Variants in SFTPB observed in about 807,000 individuals in gnomAD.
SFTPB encodes surfactant protein B, also known as pulmonary surfactant-associated protein B.
SFTPB carries 32 observed loss-of-function variants against 51.0 expected under a neutral mutation model. The observed-to-expected ratio is 0.63, with a 90% CI of 0.47 to 0.84. The LOEUF (loss-of-function observed/expected upper bound fraction) is 0.84. Ranked by LOEUF, SFTPB falls within the 40% of genes least tolerant of loss-of-function variation. SFTPB has a pLI of 0.00. For missense variants in SFTPB, 431 were observed against 491.2 expected, an observed-to-expected ratio of 0.88 and a Z score of 1.16; for synonymous variants, 211 against 208.5, an observed-to-expected ratio of 1.01 and a Z score of -0.10.
chr2:85,665,807 A>G lies in SFTPB; in HGVS notation c.394-13T>C, dbSNP rs748156830. ...TGCCGTTTGAGTCCTGGGGCACAGC[A>G]CAGGGTGGGAGTGTTAGGGTCTGGG... is the stretch of plus-strand genomic sequence containing the variant. On this transcript the variant is annotated splice_polypyrimidine_tract_variant and intron_variant, in intron 4 of 10. Coordinates refer to ENST00000519937, the MANE Select transcript of SFTPB (RefSeq NM_000542.5). 3.7e-6 allele frequency: 6 copies of G among 1,613,676 alleles called. No individual in the cohort carries two copies. The African/African-American group carries it at 5.3e-5, about 14-fold the overall frequency.
chr2:85,661,912 GCACCTGGGAC>G, intron 9 of SFTPB, 107 bp downstream of exon 9: 1 of 932,352 alleles, frequency 1.1e-6, no homozygotes, highest in Non-Finnish European at 1.7e-6. Flanking sequence ...CCTGGCCCGT[GCACCTGGGAC>G]CACCTTGGAC....
At chr2:85,666,520 TGTCTGG>T in intron 4 of SFTPB, 91 bp downstream of exon 4, 7 of 1,232,700 alleles carry the variant, frequency 5.7e-6, no homozygotes, top group East Asian at 2.5e-5. Context: ...TGTGTGTGTG[TGTCTGG>T]CTGGCTGGGG....
intron 6 of SFTPB, among the ~76,000 whole-genome samples, chr2:85,664,285 C>T (rs1265491338): frequency 6.6e-6 from 1 of 152,146 alleles, no homozygotes; most frequent in African/African-American, 2.4e-5. Flanking sequence ...GCTGGCATTA[C>T]AGAGGGCTGG....
At position 85,661,457 on chromosome 2, in the gene SFTPB, G is replaced by C. The variant is rs1426097025; in HGVS notation, c.*16C>G. On this transcript the variant is annotated 3_prime_UTR_variant, in exon 10 of 11. Transcript: ENST00000519937. Reference sequence around the variant, plus strand: ...GCAACTGGGGGCCTGGACTCACCTGGACAGCTGAGTTCTCATCAAAGGTCG... The same window carrying C: ...GCAACTGGGGGCCTGGACTCACCTGCACAGCTGAGTTCTCATCAAAGGTCG... 3 of 1,605,434 alleles carry C rather than the reference G, an allele frequency of 1.9e-6. No individual in the cohort carries two copies. In the African/African-American group the frequency reaches 4.0e-5, roughly 21 times the overall value.
chr2:85,661,961 G>C (rs1305838387), intron 9 of SFTPB, 68 bp downstream of exon 9: 39 of 1,481,724 alleles, frequency 2.6e-5, no homozygotes, highest in Non-Finnish European at 3.5e-5. Context: ...TGAGGATCAC[G>C]GGCCCAAAGG....
chr2:85,660,957 C>T (rs757352465), intron 10 of SFTPB, among the ~76,000 whole-genome samples: 2 of 152,196 alleles, frequency 1.3e-5, no homozygotes, highest in Non-Finnish European at 2.9e-5. Context: ...TCCACCCCTC[C>T]ATCCTAAGGT....
chr2:85,662,336 G>GC, intron 8 of SFTPB: 1 of 1,373,722 alleles, frequency 7.3e-7, no homozygotes, highest in Non-Finnish European at 9.5e-7. Context: ...GAGGACTCAG[G>GC]CAGAGGGGTG....
Position 85,667,661 on chromosome 2 carries a change from A to G in SFTPB, c.195+18T>C, listed in dbSNP as rs760760200. 6.2e-7 allele frequency: 1 copy of G among 1,614,160 alleles called. No homozygotes were observed. The highest frequency in any genetic ancestry group is 8.5e-7 in the Non-Finnish European group (1 of 1,180,008). On this transcript the variant is annotated intron_variant, in intron 2 of 10. Transcript: ENST00000519937. ...CATTTCAGACCCCCAGTTGCCATGC[A>G]TCCTTGGTGGTACTCACGGCTCCCA...
intron 8 of SFTPB, chr2:85,662,367 C>T: frequency 8.6e-7 from 1 of 1,156,346 alleles, no homozygotes; most frequent in Non-Finnish European, 1.2e-6. Context: ...CACCACCCTC[C>T]CCTCCCTCCA....
chr2:85,665,471 C>T, intron 5 of SFTPB, 93 bp from the exon 6 acceptor site: 2 of 1,438,470 alleles, frequency 1.4e-6, no homozygotes, highest in Non-Finnish European at 2.0e-6. Context: ...TTCTCTCCCT[C>T]CTCCCTTAGG....
At chr2:85,665,259 C>G (rs1177611871) in intron 6 of SFTPB, 30 bp downstream of exon 6, 1 of 1,541,198 alleles carries the variant, frequency 6.5e-7, no homozygotes, top group South Asian at 1.1e-5. Flanking sequence ...GCGTGTGCTC[C>G]TGGGCTCTGT....
rs1398408592 is a variant in SFTPB, at chr2:85,659,564, A to AG, written c.*137dup. ...TGACTGCCGAGGAAGGGCGGTGAGGAGGGCGGTGTGGGAGCTGAGGCTTCT... is the reference window on the plus strand; with the variant it reads ...TGACTGCCGAGGAAGGGCGGTGAGGAGGGGCGGTGTGGGAGCTGAGGCTTCT... On this transcript the variant is annotated 3_prime_UTR_variant, in exon 11 of 11. Transcript: ENST00000519937. 1 of 152,566 alleles carries AG rather than the reference A, an allele frequency of 6.6e-6. No individual in the cohort carries two copies. Among genetic ancestry groups the AG allele is most frequent in the Non-Finnish European group, 1.5e-5 (1 of 68,364 alleles). The allele number at this position is 152,566 out of a possible 1,614,324, so 9.5% of individuals were successfully genotyped here.
chr2:85,667,919 T>C (rs1421201557), intron 1 of SFTPB, 113 bp from the exon 2 acceptor site: 22 of 1,480,940 alleles, frequency 1.5e-5, no homozygotes, highest in African/African-American at 5.6e-5. Flanking sequence ...CCATTAAACA[T>C]GTGGACGTCA....
At chr2:85,661,393 C>G in intron 10 of SFTPB, 61 bp downstream of exon 10, 2 of 1,208,236 alleles carry the variant, frequency 1.7e-6, no homozygotes, top group Non-Finnish European at 2.4e-6. Context: ...GAAGGGCCTC[C>G]CATGCCCTGA....
At position 85,663,811 on chromosome 2, in the gene SFTPB, C is replaced by G; in HGVS notation, c.709G>C (p.Val237Leu). Residue 237 changes from valine (V) to leucine (L), a missense_variant, in exon 7 of 11, where the codon GTG becomes CTG. Coordinates refer to ENST00000519937, the MANE Select transcript of SFTPB (RefSeq NM_000542.5). ...ATGCCGCCCGCCACCAGAGGTACCA[C>G]GCGGCACACCTGGGCCACTGCCACA... ...LAVAVAQVCRVVPLVAGGICQ... is the reference protein window; with the variant it reads ...LAVAVAQVCRLVPLVAGGICQ... The G allele has an allele frequency of 6.3e-7, 1 of 1,598,982 alleles. No homozygotes were observed.
rs763532291 is a variant in SFTPB, at chr2:85,666,605, T to C, written c.393+12A>G. ...TGGGGAGGCAGGCAGGAGGTGAGCT[T>C]GCAGCCCTCACAGTCTGGTTCTGGA... is the stretch of plus-strand genomic sequence containing the variant. On this transcript the variant is annotated intron_variant, in intron 4 of 10. Coordinates refer to ENST00000519937, the MANE Select transcript of SFTPB (RefSeq NM_000542.5). 6.2e-7 allele frequency: 1 copy of C among 1,612,256 alleles called. No homozygotes were observed. Among genetic ancestry groups the C allele is most frequent in the Non-Finnish European group, 8.5e-7 (1 of 1,179,066 alleles).
At position 85,666,169 on chromosome 2, in the gene SFTPB, GGT is replaced by G. The variant is rs56132282; in HGVS notation, c.394-377_394-376del. ...AGTTTCCTAGGCCCTTTGTGGACAG[GGT>G]GTGTGTGTGTGTGTGTGTGGCCAGC... is the stretch of plus-strand genomic sequence containing the variant. On this transcript the variant is annotated intron_variant, in intron 4 of 10. Transcript: ENST00000519937. Among the ~76,000 whole-genome samples the G allele has an allele frequency of 3.8e-3, 548 of 145,794 alleles. 4 individuals carry two copies. Among genetic ancestry groups the G allele is most frequent in the Non-Finnish European group, 4.7e-3 (310 of 66,486 alleles).
chr2:85,665,197 G>C (rs1677509642), intron 6 of SFTPB, 92 bp downstream of exon 6: 5 of 1,002,274 alleles, frequency 5.0e-6, no homozygotes, highest in Non-Finnish European at 8.0e-6. Context: ...GCTGGGTCCT[G>C]ACGGGGGTGT....
In SFTPB at chr2:85,666,760, G is replaced by T. The variant is rs375244496; in HGVS notation, c.268-18C>A. ...ATCGTGTCCTGGGAGGCCAGAGGGGGCCGTCAGCTGGGCCTCTCTGAGGTC... is the reference window on the plus strand; with the variant it reads ...ATCGTGTCCTGGGAGGCCAGAGGGGTCCGTCAGCTGGGCCTCTCTGAGGTC... On this transcript the variant is annotated intron_variant, in intron 3 of 10. Transcript: ENST00000519937. 1.2e-6 allele frequency: 2 copies of T among 1,613,406 alleles called. No individual in the cohort carries two copies. The highest frequency in any genetic ancestry group is 2.2e-5 in the South Asian group (2 of 91,086).
Sources: gnomAD v4.1 joint callset for allele counts (sites outside exome capture counted in the v4.1 genomes callset) on GRCh38, gnomAD v4.1.1 for gene constraint, MANE v1.5 for transcripts, NCBI Gene and HGNC (gene_info 2026-07-23, HGNC 2026-07-21) for gene names.